BUB1: variants seen among roughly 807,000 people sequenced by gnomAD.
The protein encoded by BUB1 is BUB1 mitotic checkpoint serine/threonine kinase.
Under a neutral mutation model 135.2 loss-of-function variants are expected in BUB1, and 84 were observed. The observed-to-expected ratio is 0.62, with a 90% confidence interval of 0.52 to 0.74. BUB1 has a LOEUF of 0.74. Ranked by LOEUF, BUB1 falls within the 30% of genes least tolerant of loss-of-function variation. The probability of loss-of-function intolerance (pLI) is 0.00; values close to 1 mark genes in which losing one functional copy is unlikely to be tolerated. For missense variants in BUB1, 1,162 were observed against 1,288.3 expected (o/e 0.90, Z 1.50); for synonymous variants, 403 against 434.4 (o/e 0.93, Z 0.90).
In BUB1 at chr2:110,653,577, A is replaced by G. The variant is rs971385675; in HGVS notation, c.1877-54T>C. On this transcript the variant is annotated intron_variant, in intron 16 of 24. Transcript: ENST00000302759. The stretch of plus-strand genomic sequence containing the variant: ...TATGTTAGATGCACATGTGTGCACA[A>G]CACACACCATTTGATATGGTTACAA... 1.1e-5 allele frequency: 16 copies of G among 1,395,798 alleles called. No homozygotes were observed. In the South Asian group the frequency reaches 1.9e-4, roughly 16 times the overall value. 86.5% of individuals were successfully genotyped at this position (1,395,798 alleles called of 1,614,324 possible). A position where few individuals can be genotyped will look rare whatever the true frequency, so the allele number is the denominator to read the frequency against.
chr2:110,653,703 C>A (rs1178962282), intron 16 of BUB1, among the ~76,000 whole-genome samples, 180 bp from the exon 17 acceptor site: 2 of 152,254 alleles, frequency 1.3e-5, no homozygotes, highest in East Asian at 3.9e-4. Context: ...GAAAAAATCA[C>A]TTTAAAAAAA....
intron 3 of BUB1, among the ~76,000 whole-genome samples, 198 bp downstream of exon 3, chr2:110,673,888 T>C (rs1690499060): frequency 6.6e-6 from 1 of 152,154 alleles, no homozygotes; most frequent in Admixed American, 6.5e-5. Context: ...TGTGAGCCAC[T>C]GCGCCCAGCC....
Position 110,641,300 on chromosome 2 carries a change from C to A in BUB1, c.2783+7G>T. On this transcript the variant is annotated splice_region_variant and intron_variant, in intron 22 of 24. Coordinates refer to ENST00000302759, the MANE Select transcript of BUB1 (RefSeq NM_004336.5). The stretch of plus-strand genomic sequence containing the variant: ...GAGAAGAACCCTGTTAAAAGCATAA[C>A]ACTTGCCCGTTTCCAAGTATGAAAT... The A allele has an allele frequency of 6.2e-7, 1 of 1,604,656 alleles. No homozygotes were observed. Among genetic ancestry groups the A allele is most frequent in the Non-Finnish European group, 8.5e-7 (1 of 1,175,078 alleles).
Position 110,672,816 on chromosome 2 carries a change from C to A in BUB1, c.267G>T (p.Leu89=), listed in dbSNP as rs1428271000. 4 of 1,608,746 alleles carry A rather than the reference C, an allele frequency of 2.5e-6. No homozygotes were observed. Among genetic ancestry groups the A allele is most frequent in the Admixed American group, 1.7e-5 (1 of 58,232 alleles). Residue 89 remains leucine, a synonymous_variant, in exon 4 of 25, where the codon CTG becomes CTT. Coordinates refer to ENST00000302759, the MANE Select transcript of BUB1 (RefSeq NM_004336.5). ...NSDLHQFFEF[L]YNHGIGTLSS... ...ACAGGGTTCCAATCCCATGGTTGTA[C>A]AGAAACTCAAAAAATTGATGGAGGT... is the stretch of plus-strand genomic sequence containing the variant.
chr2:110,637,677 C>A lies in BUB1; in HGVS notation c.*287G>T. 4.7e-6 allele frequency: 1 copy of A among 212,200 alleles called. No individual in the cohort carries two copies. The highest frequency in any genetic ancestry group is 9.2e-6 in the Non-Finnish European group (1 of 108,694). The allele number at this position is 212,200 out of a possible 1,614,324, so 13.1% of individuals were successfully genotyped here. On this transcript the variant is annotated 3_prime_UTR_variant, in exon 25 of 25. Transcript: ENST00000302759. ...AATAGCTGTCTTGGCCCTTTTTTGGCTTAAACAGGTCAGTGTTTAAAAAGT... is the reference window on the plus strand; with the variant it reads ...AATAGCTGTCTTGGCCCTTTTTTGGATTAAACAGGTCAGTGTTTAAAAAGT...
rs1469205800 is a variant in BUB1 at position 110,639,823 on chromosome 2, G to A, written c.2981C>T (p.Thr994Ile). The A allele has an allele frequency of 1.2e-6, 2 of 1,613,682 alleles. No homozygotes were observed. The highest frequency in any genetic ancestry group is 2.7e-5 in the African/African-American group (2 of 74,868). Residue 994 changes from threonine to isoleucine, a missense_variant, in exon 24 of 25, where the codon ACA becomes ATA. Thr to Ile is a moderately conservative substitution (Grantham distance 89). Transcript: ENST00000302759. Reference sequence around the variant, plus strand: ...AGTGCCAAAGAGCATGCAATATACTGTTGCAGCAACCCCAAAGTAATCGAT... The same window carrying A: ...AGTGCCAAAGAGCATGCAATATACTATTGCAGCAACCCCAAAGTAATCGAT... Reference protein sequence around the residue: ...YQIDYFGVAATVYCMLFGTYM... With the variant: ...YQIDYFGVAAIVYCMLFGTYM...
chr2:110,663,451 T>G (rs1690154359), intron 9 of BUB1, among the ~76,000 whole-genome samples: 1 of 152,196 alleles, frequency 6.6e-6, no homozygotes, highest in African/African-American at 2.4e-5. Context: ...AATAAATGAT[T>G]TACAGACAAC....
rs74442210 is a variant in BUB1 at position 110,641,875 on chromosome 2, A to G, written c.2464-72T>C. On this transcript the variant is annotated intron_variant, in intron 20 of 24. Transcript: ENST00000302759. ...AAATGATAGCAATAAAGCAACCTCT[A>G]TCCCAATAAAAGATGTGGTGTTGAT... 152 of 1,475,702 alleles carry G rather than the reference A, an allele frequency of 1.0e-4. 1 individual carries two copies. The East Asian group carries it at 3.4e-3, about 33-fold the overall frequency. 91.4% of individuals were successfully genotyped at this position (1,475,702 alleles called of 1,614,324 possible). A position where few individuals can be genotyped will look rare whatever the true frequency, so the allele number is the denominator to read the frequency against.
At chr2:110,639,199 G>T (rs533635109) in intron 24 of BUB1, among the ~76,000 whole-genome samples, 2 of 152,098 alleles carry the variant, frequency 1.3e-5, no homozygotes, top group South Asian at 4.2e-4. Context: ...AAGAGCTCTT[G>T]CCTAATCATG....
At chr2:110,656,963 T>G in intron 15 of BUB1, 73 bp downstream of exon 15, 2 of 1,094,384 alleles carry the variant, frequency 1.8e-6, no homozygotes, top group Non-Finnish European at 2.7e-6. Context: ...ATCCTCTGAC[T>G]GGCATAATCA....
intron 4 of BUB1, 61 bp downstream of exon 4, chr2:110,672,600 T>A: frequency 6.7e-7 from 1 of 1,485,886 alleles, no homozygotes; most frequent in Non-Finnish European, 9.0e-7. Context: ...ATACAATTTT[T>A]AACAGCAAAC....
intron 1 of BUB1, among the ~76,000 whole-genome samples, chr2:110,676,919 A>G (rs1690605852): frequency 6.6e-6 from 1 of 152,008 alleles, no homozygotes; most frequent in Admixed American, 6.5e-5. Context: ...GCTTATTTTT[A>G]AAACTAAAAA....
Position 110,653,431 on chromosome 2 carries a change from A to G in BUB1, c.1964+5T>C. Reference sequence around the variant, plus strand: ...ATGGCAGAACCAAATAAACCCTCACAATACCTGAATTTTCCATCCCTTGAA... The same window carrying G: ...ATGGCAGAACCAAATAAACCCTCACGATACCTGAATTTTCCATCCCTTGAA... On this transcript the variant is annotated splice_donor_5th_base_variant and intron_variant, in intron 17 of 24. Coordinates refer to ENST00000302759, the MANE Select transcript of BUB1 (RefSeq NM_004336.5). 5.0e-6 allele frequency: 8 copies of G among 1,612,534 alleles called. No individual in the cohort carries two copies. Among genetic ancestry groups the G allele is most frequent in the Non-Finnish European group, 6.8e-6 (8 of 1,178,696 alleles).
chr2:110,650,444 A>AG, intron 18 of BUB1, 102 bp downstream of exon 18: 1 of 1,038,894 alleles, frequency 9.6e-7, no homozygotes, highest in Non-Finnish European at 1.4e-6. Context: ...CATCTGTTCT[A>AG]CTCAGTGACA....
intron 19 of BUB1, 63 bp downstream of exon 19, chr2:110,649,171 G>T: frequency 7.5e-7 from 1 of 1,338,908 alleles, no homozygotes; most frequent in Non-Finnish European, 1.0e-6. Context: ...ACACACACAC[G>T]TTACCATCAA....
Position 110,639,836 on chromosome 2 carries a change from C to T in BUB1, c.2968G>A (p.Gly990Arg). 1 of 1,613,014 alleles carries T rather than the reference C, an allele frequency of 6.2e-7. No individual in the cohort carries two copies. The highest frequency in any genetic ancestry group is 2.2e-5 in the East Asian group (1 of 44,882). ...KPWNYQIDYF[G>R]VAATVYCMLF... The stretch of plus-strand genomic sequence containing the variant: ...ATGCAATATACTGTTGCAGCAACCC[C>T]AAAGTAATCGATCTATGAAGAAGAT... Residue 990 changes from glycine to arginine, a missense_variant, in exon 24 of 25, where the codon GGG becomes AGG. By Grantham distance (125) the Gly-to-Arg change is moderately radical (BLOSUM62 -2). Coordinates refer to ENST00000302759, the MANE Select transcript of BUB1 (RefSeq NM_004336.5).
intron 6 of BUB1, among the ~76,000 whole-genome samples, chr2:110,668,303 C>T (rs1690321288): frequency 6.6e-6 from 1 of 152,070 alleles, no homozygotes; most frequent in Non-Finnish European, 1.5e-5. Context: ...ACCTCCATGT[C>T]ACACTCTGAG....
At chr2:110,656,045 A>G in intron 15 of BUB1, 129 bp from the exon 16 acceptor site, 1 of 801,614 alleles carries the variant, frequency 1.2e-6, no homozygotes, top group Non-Finnish European at 1.9e-6. Context: ...CCCCTGGCTA[A>G]TACAGCCCAC....
chr2:110,658,762 A>G lies in BUB1; in HGVS notation c.1277-20T>C. 1 of 1,613,528 alleles carries G rather than the reference A, an allele frequency of 6.2e-7. No homozygotes were observed. The highest frequency in any genetic ancestry group is 8.5e-7 in the Non-Finnish European group (1 of 1,179,820). On this transcript the variant is annotated intron_variant, in intron 11 of 24. Coordinates refer to ENST00000302759, the MANE Select transcript of BUB1 (RefSeq NM_004336.5). ...CACACCCTAGCAAAGAAATGGAGAC[A>G]AAATGTGGTATCAGTAGGGAAATCA... is the stretch of plus-strand genomic sequence containing the variant.
Sources: gnomAD v4.1 joint callset for allele counts (sites outside exome capture counted in the v4.1 genomes callset) on GRCh38, gnomAD v4.1.1 for gene constraint, MANE v1.5 for transcripts, NCBI Gene and HGNC (gene_info 2026-07-23, HGNC 2026-07-21) for gene names.